Variants in TRPM6 observed in about 807,000 individuals in gnomAD.
TRPM6 encodes the protein transient receptor potential cation channel subfamily M member 6, also known as channel kinase 2.
TRPM6 carries 111 observed loss-of-function variants against 247.6 expected under a neutral mutation model. The observed-to-expected ratio is 0.45, with a 90% CI of 0.38 to 0.52. The LOEUF (loss-of-function observed/expected upper bound fraction) is 0.52. TRPM6 is among the 20% of genes least tolerant of loss of function. TRPM6 has a pLI of 0.00. For synonymous variants in TRPM6, 892 were observed against 853.8 expected, an observed-to-expected ratio of 1.04 and a Z score of -0.78; for missense variants, 2,126 against 2,421.5, an observed-to-expected ratio of 0.88 and a Z score of 2.56.
At chr9:74,834,977 G>T (rs1022743589) in intron 5 of TRPM6, among the ~76,000 whole-genome samples, 1 of 152,064 alleles carries the variant, frequency 6.6e-6, no homozygotes, top group African/African-American at 2.4e-5. Flanking sequence ...GGGTCAAATG[G>T]TATTTCCAGT....
At chr9:74,870,986 CTAT>C (rs1055136546) in intron 1 of TRPM6, among the ~76,000 whole-genome samples, 4 of 152,024 alleles carry the variant, frequency 2.6e-5, no homozygotes, top group Non-Finnish European at 5.9e-5. Flanking sequence ...CATTCCACTT[CTAT>C]TTTTAAAAAA....
chr9:74,728,430 C>A, intron 37 of TRPM6, 85 bp from the exon 38 acceptor site: 1 of 931,568 alleles, frequency 1.1e-6, no homozygotes, highest in East Asian at 2.5e-5. Flanking sequence ...GAACAGTATC[C>A]CATAGTAACC....
intron 32 of TRPM6, among the ~76,000 whole-genome samples, chr9:74,743,232 TGA>T (rs1158291264): frequency 6.6e-6 from 1 of 152,214 alleles, no homozygotes; most frequent in Non-Finnish European, 1.5e-5. Context: ...GAGCCTGGGT[TGA>T]GGAGTCTGGA....
intron 14 of TRPM6, among the ~76,000 whole-genome samples, chr9:74,806,879 C>A (rs1828542754): frequency 6.6e-6 from 1 of 152,138 alleles, no homozygotes; most frequent in Admixed American, 6.5e-5. Context: ...GGAAGACAAT[C>A]CAAGAAATGG....
intron 14 of TRPM6, among the ~76,000 whole-genome samples, chr9:74,805,903 C>A (rs1240490112): frequency 6.6e-6 from 1 of 152,120 alleles, no homozygotes; most frequent in Non-Finnish European, 1.5e-5. Context: ...GCTGGAACTG[C>A]TTAAATTGAA....
chr9:74,787,877 G>A (rs559656680), intron 20 of TRPM6, among the ~76,000 whole-genome samples: 3 of 151,902 alleles, frequency 2.0e-5, no homozygotes, highest in Non-Finnish European at 4.4e-5. Context: ...CACCATGCCC[G>A]GCTAATTTTT....
chr9:74,877,725 G>T (rs117139846), intron 1 of TRPM6, among the ~76,000 whole-genome samples: 1 of 152,134 alleles, frequency 6.6e-6, no homozygotes, highest in Non-Finnish European at 1.5e-5. Flanking sequence ...AGGAAAGGCA[G>T]CCTCATTTAA....
At chr9:74,853,708 A>T (rs978223978) in intron 3 of TRPM6, among the ~76,000 whole-genome samples, 3 of 152,046 alleles carry the variant, frequency 2.0e-5, no homozygotes, top group Non-Finnish European at 4.4e-5. Flanking sequence ...GTACCCAGGG[A>T]CACAAACACT....
intron 21 of TRPM6, among the ~76,000 whole-genome samples, chr9:74,783,206 T>C (rs1827524764): frequency 6.6e-6 from 1 of 151,256 alleles, no homozygotes; most frequent in Non-Finnish European, 1.5e-5. Context: ...AAAAATAGGG[T>C]ATTGTTGAAT....
intron 12 of TRPM6, among the ~76,000 whole-genome samples, chr9:74,811,687 T>G (rs758698394): frequency 6.6e-6 from 1 of 152,226 alleles, no homozygotes; most frequent in Non-Finnish European, 1.5e-5. Flanking sequence ...CTCCTTTGGT[T>G]GAAGAGTCTA....
At chr9:74,756,760 G>T (rs1826442034) in intron 27 of TRPM6, among the ~76,000 whole-genome samples, 1 of 151,416 alleles carries the variant, frequency 6.6e-6, no homozygotes, top group South Asian at 2.1e-4. Flanking sequence ...GAGGTGGGAG[G>T]ATCACTTGAG....
chr9:74,765,053 G>A (rs1826782398), intron 25 of TRPM6, among the ~76,000 whole-genome samples: 1 of 152,136 alleles, frequency 6.6e-6, no homozygotes, highest in African/African-American at 2.4e-5. Context: ...GTGGTAGCAA[G>A]GATGGAACAT....
chr9:74,802,625 A>C (rs1828386293), intron 15 of TRPM6, among the ~76,000 whole-genome samples: 1 of 152,224 alleles, frequency 6.6e-6, no homozygotes, highest in Non-Finnish European at 1.5e-5. Flanking sequence ...TATTGGATAC[A>C]TGGGAGTGAT....
intron 1 of TRPM6, among the ~76,000 whole-genome samples, chr9:74,867,605 T>C (rs1432571132): frequency 1.2e-4 from 18 of 152,200 alleles, no homozygotes; most frequent in Admixed American, 1.2e-3. Context: ...CAAGGGTAGT[T>C]TGGAATGCAT....
chr9:74,798,470 A>G (rs949190126), intron 17 of TRPM6, among the ~76,000 whole-genome samples: 4 of 152,160 alleles, frequency 2.6e-5, no homozygotes, highest in Non-Finnish European at 4.4e-5. Flanking sequence ...TATTGTACTA[A>G]TTAATCTCTA....
chr9:74,807,101 G>A (rs1244007795), intron 14 of TRPM6, among the ~76,000 whole-genome samples: 1 of 152,138 alleles, frequency 6.6e-6, no homozygotes, highest in Non-Finnish European at 1.5e-5. Context: ...ATTTTTCTGT[G>A]TCAGATTTGG....
intron 28 of TRPM6, 95 bp downstream of exon 28, chr9:74,755,258 T>C: frequency 7.7e-7 from 1 of 1,305,416 alleles, no homozygotes; most frequent in South Asian, 1.2e-5. Flanking sequence ...CATCTCCATG[T>C]GAAAGAACAG....
At chr9:74,817,771 A>G (rs1216249443) in intron 9 of TRPM6, among the ~76,000 whole-genome samples, 1 of 151,996 alleles carries the variant, frequency 6.6e-6, no homozygotes, top group African/African-American at 2.4e-5. Flanking sequence ...ATTAATGGCT[A>G]TATCTCAGTC....
chr9:74,810,965 T>C lies in TRPM6; in HGVS notation c.1444-97A>G, dbSNP rs1015368881. The C allele has an allele frequency of 1.1e-4, 105 of 935,304 alleles. 3 individuals are homozygous for C. In the South Asian group the frequency reaches 1.4e-3, roughly 13 times the overall value. The allele number at this position is 935,304 out of a possible 1,614,324, so 57.9% of individuals were successfully genotyped here. ...AGAATGCATAAGTAACTGAGAATAC[T>C]GAAAATTGTGTTCAATATTTTTAGT... On this transcript the variant is annotated intron_variant, in intron 12 of 38. Transcript: ENST00000360774.
Sources: gnomAD v4.1 joint callset for allele counts (sites outside exome capture counted in the v4.1 genomes callset) on GRCh38, gnomAD v4.1.1 for gene constraint, MANE v1.5 for transcripts, NCBI Gene and HGNC (gene_info 2026-07-23, HGNC 2026-07-21) for gene names.